Variants in ZC3H12B observed in about 807,000 individuals in gnomAD.
The protein encoded by ZC3H12B is zinc finger CCCH-type containing 12B.
ZC3H12B carries 7 observed loss-of-function variants against 43.9 expected under a neutral mutation model. That is an observed-to-expected ratio of 0.16 (90% confidence interval 0.09 to 0.30). The LOEUF is 0.30. Among genes scored for constraint, ZC3H12B ranks in the 10% least tolerant of loss-of-function variants. The pLI, the probability that ZC3H12B is intolerant of heterozygous loss-of-function variation, is 1.00. For synonymous variants in ZC3H12B, 222 were observed against 241.7 expected (o/e 0.92, Z 0.76); for missense variants, 475 against 670.2 (o/e 0.71, Z 3.22).
the ZC3H12B span, among the ~76,000 whole-genome samples, chrX:65,088,981 A>G: frequency 2.9e-4 from 32 of 112,024 alleles, no homozygotes; most frequent in Admixed American, 2.1e-3. Flanking sequence ...AAATTAGCTA[A>G]TATAACTAAT....
chrX:65,482,012 C>A (rs1240068802), intron 3 of ZC3H12B, among the ~76,000 whole-genome samples: 1 of 111,190 alleles, frequency 9.0e-6, no homozygotes, highest in Non-Finnish European at 1.9e-5. Context: ...TCCTTGTGTC[C>A]CTTCTCATTC....
the ZC3H12B span, among the ~76,000 whole-genome samples, chrX:65,150,442 A>C: frequency 9.1e-6 from 1 of 109,984 alleles, no homozygotes; most frequent in East Asian, 2.9e-4. Flanking sequence ...TTCGTGTGCC[A>C]TGGTGATTTG....
At chrX:65,160,195 G>A in the ZC3H12B span, among the ~76,000 whole-genome samples, 2 of 111,851 alleles carry the variant, frequency 1.8e-5, no homozygotes, top group Admixed American at 9.5e-5. Context: ...TTGCATCAAT[G>A]TTCATCAAGG....
chrX:65,243,732 A>G, the ZC3H12B span, among the ~76,000 whole-genome samples: 4 of 112,317 alleles, frequency 3.6e-5, no homozygotes, highest in Non-Finnish European at 7.5e-5. Flanking sequence ...GTGTCTATCA[A>G]TGGATAAATG....
chrX:65,271,609 G>A, the ZC3H12B span: 1 of 112,239 alleles, frequency 8.9e-6, no homozygotes, highest in Non-Finnish European at 1.9e-5. Flanking sequence ...TTCTGTTGTG[G>A]CCACTAACAG....
chrX:65,166,608 A>G, the ZC3H12B span, among the ~76,000 whole-genome samples: 1 of 111,872 alleles, frequency 8.9e-6, no homozygotes, highest in Admixed American at 9.5e-5. Context: ...TAGATCCTTG[A>G]CGAATCACCA....
At chrX:65,230,393 G>A in the ZC3H12B span, among the ~76,000 whole-genome samples, 2 of 109,059 alleles carry the variant, frequency 1.8e-5, no homozygotes, top group Admixed American at 9.8e-5. Flanking sequence ...GTGGGATGGG[G>A]GGAAGGGGGA....
At chrX:65,194,756 T>G in the ZC3H12B span, among the ~76,000 whole-genome samples, 2 of 112,277 alleles carry the variant, frequency 1.8e-5, no homozygotes, top group African/African-American at 6.5e-5. Flanking sequence ...TGTCCAGTGC[T>G]GAACTTCGGT....
chrX:65,258,230 G>C, the ZC3H12B span, among the ~76,000 whole-genome samples: 5 of 111,778 alleles, frequency 4.5e-5, no homozygotes, highest in Non-Finnish European at 9.4e-5. Context: ...CAATCAAGCA[G>C]GCTTTTTGTC....
At chrX:65,195,440 G>A in the ZC3H12B span, among the ~76,000 whole-genome samples, 1 of 111,906 alleles carries the variant, frequency 8.9e-6, no homozygotes, top group Non-Finnish European at 1.9e-5. Flanking sequence ...CAAGCGAAGA[G>A]AACACTAATA....
chrX:65,130,168 GT>G, the ZC3H12B span, among the ~76,000 whole-genome samples: 2 of 111,189 alleles, frequency 1.8e-5, no homozygotes, highest in African/African-American at 6.5e-5. Flanking sequence ...GTGAGGTCTG[GT>G]TTTAAAAGAC....
intron 3 of ZC3H12B, among the ~76,000 whole-genome samples, chrX:65,407,190 CG>C (rs1255522769): frequency 8.9e-6 from 1 of 112,818 alleles, no homozygotes; most frequent in African/African-American, 3.2e-5. Context: ...AGAAGGGGCT[CG>C]GAAGAAGGGT....
the ZC3H12B span, among the ~76,000 whole-genome samples, chrX:65,142,098 T>C: frequency 8.9e-6 from 1 of 112,147 alleles, no homozygotes; most frequent in Admixed American, 9.5e-5. Context: ...CAATTTTCCA[T>C]AGTGGTTGTA....
At chrX:65,294,581 C>G in the ZC3H12B span, among the ~76,000 whole-genome samples, 1 of 111,443 alleles carries the variant, frequency 9.0e-6, no homozygotes, top group East Asian at 2.8e-4. Flanking sequence ...AAGAATTCAC[C>G]AACTATCTGC....
At chrX:65,055,038 C>T in the ZC3H12B span, among the ~76,000 whole-genome samples, 41 of 111,558 alleles carry the variant, frequency 3.7e-4, no homozygotes, top group African/African-American at 1.3e-3. Context: ...CAAACAGGGA[C>T]AATTTAACTT....
chrX:65,190,849 G>A, the ZC3H12B span, among the ~76,000 whole-genome samples: 2 of 105,852 alleles, frequency 1.9e-5, no homozygotes, highest in Non-Finnish European at 3.8e-5. Context: ...AATAGGAGTG[G>A]TGAGAGAGGG....
At chrX:65,425,600 T>C (rs1041185659) in intron 3 of ZC3H12B, among the ~76,000 whole-genome samples, 1 of 111,614 alleles carries the variant, frequency 9.0e-6, no homozygotes. Flanking sequence ...TGTGGGTTTG[T>C]CATATATAGC....
intron 2 of ZC3H12B, among the ~76,000 whole-genome samples, chrX:65,383,017 G>A (rs1231849779): frequency 1.4e-4 from 15 of 110,992 alleles, no homozygotes; most frequent in Admixed American, 1.3e-3. Context: ...TCGTGAAAAT[G>A]ACCATACTGC....
the ZC3H12B span, among the ~76,000 whole-genome samples, chrX:65,076,234 A>T: frequency 5.1e-4 from 55 of 108,269 alleles, no homozygotes; most frequent in African/African-American, 1.8e-3. Context: ...AGCTAACTGT[A>T]GCCTTGAACT....
Sources: allele counts gnomAD v4.1 joint callset (sites outside exome capture counted in the v4.1 genomes callset), GRCh38; gene constraint gnomAD v4.1.1; transcripts MANE v1.5; gene names NCBI Gene and HGNC (gene_info 2026-07-23, HGNC 2026-07-21).